Variants in GREB1 observed in about 807,000 individuals in gnomAD.
GREB1 encodes the protein protein GREB1.
GREB1 carries 106 observed loss-of-function variants against 200.7 expected under a neutral mutation model. The observed-to-expected ratio is 0.53, with a 90% CI of 0.45 to 0.62. GREB1 has a LOEUF of 0.62. Ranked by LOEUF, GREB1 falls within the 20% of genes least tolerant of loss-of-function variation. The pLI, the probability that GREB1 is intolerant of heterozygous loss-of-function variation, is 0.00. For synonymous variants in GREB1, 1,132 were observed against 1,092.4 expected (o/e 1.04, Z -0.72); for missense variants, 2,243 against 2,556.8 (o/e 0.88, Z 2.65).
chr2:11,526,838 A>C (rs552890712), intron 1 of GREB1, among the ~76,000 whole-genome samples: 1 of 152,274 alleles, frequency 6.6e-6, no homozygotes, highest in Non-Finnish European at 1.5e-5. Context: ...GATTATAGGC[A>C]TGAGCCACCG....
chr2:11,560,427 A>G (rs991247150), intron 2 of GREB1, among the ~76,000 whole-genome samples: 1 of 152,186 alleles, frequency 6.6e-6, no homozygotes, highest in African/African-American at 2.4e-5. Flanking sequence ...CGGGCCGGGC[A>G]TGGTGGCTCG....
chr2:11,488,714 T>G (rs6432203), intron 1 of GREB1, among the ~76,000 whole-genome samples: 1 of 150,306 alleles, frequency 6.7e-6, no homozygotes, highest in African/African-American at 2.5e-5. Flanking sequence ...TGGCTTGAAT[T>G]TGGGACGTGG....
At chr2:11,495,165 T>C (rs1672853726) in intron 1 of GREB1, among the ~76,000 whole-genome samples, 1 of 152,238 alleles carries the variant, frequency 6.6e-6, no homozygotes, top group Non-Finnish European at 1.5e-5. Flanking sequence ...CTGAGCCATG[T>C]TGAGCATCTC....
chr2:11,531,535 CTTTTA>C (rs1421540855), upstream of GREB1, among the ~76,000 whole-genome samples: 1 of 151,830 alleles, frequency 6.6e-6, no homozygotes, highest in Non-Finnish European at 1.5e-5. Flanking sequence ...ATAATTCTTG[CTTTTA>C]TTTTATTTTT....
At chr2:11,578,947 G>C (rs1306176409) in intron 6 of GREB1, among the ~76,000 whole-genome samples, 1 of 152,220 alleles carries the variant, frequency 6.6e-6, no homozygotes, top group Non-Finnish European at 1.5e-5. Context: ...GTGGGCCGGA[G>C]GAGGTGGAGG....
intron 15 of GREB1, among the ~76,000 whole-genome samples, chr2:11,599,383 A>G (rs1299628016): frequency 6.9e-6 from 1 of 145,130 alleles, no homozygotes; most frequent in African/African-American, 2.6e-5. Flanking sequence ...TCTGTCGCCC[A>G]GGCTGGAGTG....
chr2:11,555,367 C>G (rs1175152132), intron 1 of GREB1, among the ~76,000 whole-genome samples: 1 of 152,078 alleles, frequency 6.6e-6, no homozygotes, highest in Non-Finnish European at 1.5e-5. Context: ...TGGAAGCAGC[C>G]ATTAAAATTG....
rs10197364 is a variant in GREB1 at position 11,556,548 on chromosome 2, C to A, written c.-67C>A. 2.2e-6 allele frequency: 3 copies of A among 1,335,784 alleles called. No individual in the cohort carries two copies. Among genetic ancestry groups the A allele is most frequent in the Non-Finnish European group, 3.1e-6 (3 of 957,572 alleles). The allele number at this position is 1,335,784 out of a possible 1,614,324, so 82.7% of individuals were successfully genotyped here. ...TGCAGCTGTTTCACCTTCTACCTTG[C>A]GTGGAGCCAGGCTTTTGCACCGAAT... On this transcript the variant is annotated 5_prime_UTR_variant, in exon 2 of 33. It introduces an in-frame stop codon into an upstream open reading frame of the 5' UTR. Transcript: ENST00000381486.
intron 13 of GREB1, among the ~76,000 whole-genome samples, chr2:11,596,447 A>G (rs568251804): frequency 2.3e-5 from 1 of 43,234 alleles, no homozygotes; most frequent in African/African-American, 1.3e-4. Context: ...GTGCACAGTG[A>G]GGGGGGTGGG....
At chr2:11,585,663 G>T in intron 8 of GREB1, 99 bp from the exon 9 acceptor site, 2 of 1,323,900 alleles carry the variant, frequency 1.5e-6, no homozygotes, top group Non-Finnish European at 1.1e-6. Context: ...CAGGGACGTT[G>T]GTCAGAGGGT....
intron 1 of GREB1, among the ~76,000 whole-genome samples, chr2:11,525,379 C>T (rs1673837397): frequency 1.3e-5 from 2 of 151,702 alleles, no homozygotes; most frequent in African/African-American, 4.8e-5. Context: ...TGCCTGTAGT[C>T]CCAGCTACTT....
intron 1 of GREB1, among the ~76,000 whole-genome samples, chr2:11,497,971 CTTTTTTTTTTTTTT>C (rs70955803): frequency 0.026 from 1,045 of 40,444 alleles, 14 homozygotes; most frequent in African/African-American, 0.042. Context: ...CAGAGCAAAA[CTTTTTTTTTTTTTT>C]TTTTTTTTTT....
At chr2:11,509,221 G>A (rs2148445675) in intron 1 of GREB1, among the ~76,000 whole-genome samples, 1 of 152,060 alleles carries the variant, frequency 6.6e-6, no homozygotes, top group Admixed American at 6.5e-5. Flanking sequence ...AAAGTGTGCA[G>A]GACCATATTC....
Position 11,633,174 on chromosome 2 carries a change from A to G in GREB1, c.4991+111A>G, listed in dbSNP as rs1334855623. ...CCCCTGGAAGACCGGAGGGCCTCTC[A>G]TAGTAGAAGGGGTGGTTGTGGTTGT... On this transcript the variant is annotated intron_variant, in intron 28 of 32. Coordinates refer to ENST00000381486, the MANE Select transcript of GREB1 (RefSeq NM_014668.4). This position sits in a 1 kb window ranked among gnomAD's most constrained non-coding sequence, Gnocchi z 4.1. 6.8e-6 allele frequency: 7 copies of G among 1,035,294 alleles called. No homozygotes were observed. The highest frequency in any genetic ancestry group is 1.0e-5 in the Non-Finnish European group (7 of 683,460). 64.1% of individuals were successfully genotyped at this position (1,035,294 alleles called of 1,614,324 possible).
At chr2:11,510,670 A>G (rs1364501192) in intron 1 of GREB1, among the ~76,000 whole-genome samples, 2 of 148,080 alleles carry the variant, frequency 1.4e-5, no homozygotes, top group African/African-American at 2.5e-5. Flanking sequence ...TTCTTTTTTC[A>G]GTATTATGAA....
intron 1 of GREB1, among the ~76,000 whole-genome samples, chr2:11,510,089 T>C (rs1673307053): frequency 6.6e-6 from 1 of 152,250 alleles, no homozygotes; most frequent in Non-Finnish European, 1.5e-5. Context: ...GTTGAAAACA[T>C]CCAGTCGCTG....
chr2:11,601,032 A>G (rs369406858), intron 16 of GREB1, 37 bp downstream of exon 16: 1 of 1,537,238 alleles, frequency 6.5e-7, no homozygotes, highest in Non-Finnish European at 9.0e-7. Context: ...TTGTGTAGCA[A>G]TATCACTTGG....
At chr2:11,615,029 G>A (rs1342671453) in intron 19 of GREB1, 62 bp from the exon 20 acceptor site, 1 of 1,285,366 alleles carries the variant, frequency 7.8e-7, no homozygotes, top group African/African-American at 1.5e-5. Context: ...GCCTGCCGCA[G>A]TGGGAACAGC....
In GREB1 at chr2:11,581,674, C is replaced by G. The variant is rs528623634; in HGVS notation, c.901+842C>G. On this transcript the variant is annotated intron_variant, in intron 7 of 32. Coordinates refer to ENST00000381486, the MANE Select transcript of GREB1 (RefSeq NM_014668.4). ...CTGGAGCCACATCATAAGCCATTCTCGTCTTTCTTTCCTCCATCATGCACT... is the reference window on the plus strand; with the variant it reads ...CTGGAGCCACATCATAAGCCATTCTGGTCTTTCTTTCCTCCATCATGCACT... Among the ~76,000 whole-genome samples, 78 of 152,282 alleles carry G rather than the reference C, an allele frequency of 5.1e-4. 1 individual carries two copies. The highest frequency in any genetic ancestry group is 1.7e-3 in the African/African-American group (70 of 41,546).
Sources: gnomAD v4.1 joint callset for allele counts (sites outside exome capture counted in the v4.1 genomes callset) on GRCh38, gnomAD v4.1.1 for gene constraint, Gnocchi (gnomAD v3.1) non-coding constraint, MANE v1.5 for transcripts, NCBI Gene and HGNC (gene_info 2026-07-23, HGNC 2026-07-21) for gene names.